GYS2: variants seen among roughly 807,000 people sequenced by gnomAD.
GYS2 encodes the protein glycogen synthase 2.
In GYS2, 80 loss-of-function variants were observed where a neutral mutation model predicts 85.6. The observed-to-expected ratio is 0.93, with a 90% CI of 0.78 to 1.13. GYS2 has a LOEUF of 1.13. Ranked by LOEUF, GYS2 falls within the 50% of genes most tolerant of loss-of-function variation. GYS2 has a pLI of 0.00. For synonymous variants in GYS2, 328 were observed against 300.7 expected (o/e 1.09, Z -0.94); for missense variants, 881 against 854.9 (o/e 1.03, Z -0.38).
chr12:21,604,608 C>T lies in GYS2; in HGVS notation c.-16G>A, dbSNP rs1453946446. The stretch of plus-strand genomic sequence containing the variant: ...CTCGAAGCATTCTTCTTACAGTCCT[C>T]CGAGACTCCTTTGAATTCCTGTTTC... On this transcript the variant is annotated 5_prime_UTR_variant, in exon 1 of 16. Transcript: ENST00000261195. The T allele has an allele frequency of 6.2e-7, 1 of 1,611,966 alleles. No individual in the cohort carries two copies. The highest frequency in any genetic ancestry group is 8.5e-7 in the Non-Finnish European group (1 of 1,178,600).
At chr12:21,574,410 G>T in intron 3 of GYS2, 84 bp from the exon 4 acceptor site, 3 of 1,032,216 alleles carry the variant, frequency 2.9e-6, no homozygotes, top group South Asian at 1.3e-5. Flanking sequence ...GTGGAGTTAT[G>T]GTGTCTATAA....
intron 2 of GYS2, among the ~76,000 whole-genome samples, chr12:21,576,289 AC>A (rs1944446154): frequency 6.6e-6 from 1 of 152,176 alleles, no homozygotes; most frequent in Non-Finnish European, 1.5e-5. Flanking sequence ...AAATTTAAAA[AC>A]AATGTATCTA....
chr12:21,557,996 C>T (rs537606851), intron 11 of GYS2, among the ~76,000 whole-genome samples: 1 of 152,134 alleles, frequency 6.6e-6, no homozygotes, highest in Non-Finnish European at 1.5e-5. Flanking sequence ...TAGCTCAAAG[C>T]TATGAATATG....
chr12:21,594,912 A>T (rs1457964607), intron 1 of GYS2, among the ~76,000 whole-genome samples: 1 of 152,200 alleles, frequency 6.6e-6, no homozygotes, highest in Admixed American at 6.5e-5. Flanking sequence ...AGACCAATGG[A>T]AGAGAATAGA....
At chr12:21,591,418 A>G (rs1235195746) in intron 1 of GYS2, among the ~76,000 whole-genome samples, 1 of 151,906 alleles carries the variant, frequency 6.6e-6, no homozygotes, top group Non-Finnish European at 1.5e-5. Context: ...ACTTGAAGAC[A>G]GGTCTTTTAA....
At chr12:21,593,932 T>C (rs1258366748) in intron 1 of GYS2, among the ~76,000 whole-genome samples, 1 of 152,110 alleles carries the variant, frequency 6.6e-6, no homozygotes, top group East Asian at 1.9e-4. Context: ...GTGGGATTTA[T>C]ACTAGGGTTG....
At chr12:21,592,386 A>C (rs1177262686) in intron 1 of GYS2, among the ~76,000 whole-genome samples, 4 of 152,074 alleles carry the variant, frequency 2.6e-5, no homozygotes, top group Non-Finnish European at 5.9e-5. Context: ...CCCAGTTGTA[A>C]GCTGCCTATA....
chr12:21,597,685 A>G (rs193035371), intron 1 of GYS2, among the ~76,000 whole-genome samples: 17 of 152,292 alleles, frequency 1.1e-4, no homozygotes, highest in Admixed American at 1.0e-3. Flanking sequence ...AGATCCAGCA[A>G]TCTTATTACT....
chr12:21,588,161 C>T (rs1944594649), intron 1 of GYS2, among the ~76,000 whole-genome samples: 1 of 152,158 alleles, frequency 6.6e-6, no homozygotes, highest in East Asian at 1.9e-4. Context: ...AACTCAATTG[C>T]AAAAAGCAAT....
chr12:21,573,155 G>C (rs1944405263), intron 4 of GYS2, among the ~76,000 whole-genome samples: 1 of 152,170 alleles, frequency 6.6e-6, no homozygotes, highest in Non-Finnish European at 1.5e-5. Context: ...TTTTCAGAAA[G>C]AACGTTCTTG....
In GYS2 at chr12:21,593,024, T is replaced by G. The variant is rs561472282; in HGVS notation, c.121+11448A>C. Among the ~76,000 whole-genome samples the G allele has an allele frequency of 2.0e-5, 3 of 152,110 alleles. No homozygotes were observed. In the East Asian group the frequency reaches 5.8e-4, roughly 29 times the overall value. ...ACATGGAAATTAAACAACATGCTCC[T>G]GAATGAACGTTATGTCAAGAAGAAA... On this transcript the variant is annotated intron_variant, in intron 1 of 15. Transcript: ENST00000261195.
intron 13 of GYS2, among the ~76,000 whole-genome samples, chr12:21,541,818 A>G (rs1943979371): frequency 6.6e-6 from 1 of 152,038 alleles, no homozygotes; most frequent in Admixed American, 6.6e-5. Flanking sequence ...TGATTAACAT[A>G]GTGCCTGGTA....
In GYS2 at chr12:21,604,746, T is replaced by C. The variant is rs1385598199; in HGVS notation, c.-154A>G. On this transcript the variant is annotated 5_prime_UTR_variant, in exon 1 of 16. Coordinates refer to ENST00000261195, the MANE Select transcript of GYS2 (RefSeq NM_021957.4). ...AATAAACTAGTAGCATGAAATCTTA[T>C]GTGCTTCCCACAGAATTCCTGGTGG... The C allele has an allele frequency of 5.5e-6, 8 of 1,458,572 alleles. No homozygotes were observed. The highest frequency in any genetic ancestry group is 5.2e-5 in the East Asian group (2 of 38,132). 90.4% of individuals were successfully genotyped at this position (1,458,572 alleles called of 1,614,324 possible). A position where few individuals can be genotyped will look rare whatever the true frequency, so the allele number is the denominator to read the frequency against.
intron 11 of GYS2, among the ~76,000 whole-genome samples, chr12:21,550,232 T>G (rs1021956596): frequency 6.6e-6 from 1 of 151,986 alleles, no homozygotes; most frequent in Non-Finnish European, 1.5e-5. Context: ...CAAATGGCAT[T>G]TAGCAATCAA....
downstream of GYS2, among the ~76,000 whole-genome samples, chr12:21,534,609 A>G (rs962643261): frequency 2.0e-5 from 3 of 152,004 alleles, no homozygotes; most frequent in African/African-American, 7.2e-5. Flanking sequence ...AAAAGAGAGA[A>G]GGTAAGAAAG....
At chr12:21,547,684 T>A (rs1318774600) in intron 11 of GYS2, among the ~76,000 whole-genome samples, 1 of 152,166 alleles carries the variant, frequency 6.6e-6, no homozygotes, top group Non-Finnish European at 1.5e-5. Context: ...TGTATCATAC[T>A]ATGATGATGA....
intron 1 of GYS2, among the ~76,000 whole-genome samples, chr12:21,588,572 A>G (rs1944599210): frequency 6.6e-6 from 1 of 152,242 alleles, no homozygotes; most frequent in East Asian, 1.9e-4. Context: ...CTTTAAGGAA[A>G]AGTTTTTTAC....
intron 2 of GYS2, among the ~76,000 whole-genome samples, chr12:21,577,612 A>G (rs1044271928): frequency 6.6e-6 from 1 of 152,174 alleles, no homozygotes; most frequent in African/African-American, 2.4e-5. Context: ...TGCTGCCTTC[A>G]CTAAGAAATG....
intron 1 of GYS2, among the ~76,000 whole-genome samples, chr12:21,581,535 C>T (rs531676297): frequency 6.6e-6 from 1 of 152,238 alleles, no homozygotes; most frequent in Admixed American, 6.5e-5. Context: ...AGCTCCCAGC[C>T]GAATAAAGCC....
Sources: allele counts gnomAD v4.1 joint callset (sites outside exome capture counted in the v4.1 genomes callset), GRCh38; gene constraint gnomAD v4.1.1; transcripts MANE v1.5; gene names NCBI Gene and HGNC (gene_info 2026-07-23, HGNC 2026-07-21).